Variants in AP4S1 observed in about 807,000 individuals in gnomAD.
AP4S1 encodes the protein AP-4 complex subunit sigma-1.
A neutral mutation model predicts 19.8 loss-of-function variants in AP4S1; 23 were observed. The ratio of observed to expected loss-of-function variants is 1.16; its 90% CI spans 0.84 to 1.65. AP4S1 has a LOEUF of 1.65. Among genes scored for constraint, AP4S1 ranks in the 40% most tolerant of loss-of-function variants. AP4S1 has a pLI of 0.00. For synonymous variants in AP4S1, 46 were observed against 54.1 expected, an observed-to-expected ratio of 0.85 and a Z score of 0.66; for missense variants, 166 against 172.8, an observed-to-expected ratio of 0.96 and a Z score of 0.22.
At chr14:31,077,672 A>T (rs1262743076) in intron 4 of AP4S1, among the ~76,000 whole-genome samples, 1 of 151,930 alleles carries the variant, frequency 6.6e-6, no homozygotes, top group Non-Finnish European at 1.5e-5. Context: ...GTACATGCTT[A>T]ATTTTGGTAA....
chr14:31,051,897 G>A (rs952102404), intron 1 of AP4S1, among the ~76,000 whole-genome samples: 4 of 152,142 alleles, frequency 2.6e-5, no homozygotes, highest in Non-Finnish European at 5.9e-5. Flanking sequence ...CTGAGCTCAA[G>A]TGATCCACCT....
Position 31,041,527 on chromosome 14 carries a change from A to C in AP4S1, c.-72+15740A>C, listed in dbSNP as rs776010724. 7.2e-5 allele frequency among the ~76,000 whole-genome samples: 11 copies of C among 152,316 alleles called. No individual in the cohort carries two copies. In the South Asian group the frequency reaches 8.3e-4, roughly 11 times the overall value. The stretch of plus-strand genomic sequence containing the variant: ...ATGGGAAGTAATCTGTAGTAATCCT[A>C]GTTCTCTGCAGTTTCTCCTTTGTAA... On this transcript the variant is annotated intron_variant, in intron 1 of 5. Coordinates refer to ENST00000542754, the MANE Select transcript of AP4S1 (RefSeq NM_001128126.3).
chr14:31,087,935 A>G (rs964992953), intron 5 of AP4S1, among the ~76,000 whole-genome samples: 1 of 152,222 alleles, frequency 6.6e-6, no homozygotes, highest in Non-Finnish European at 1.5e-5. Flanking sequence ...TTAAATGGAA[A>G]GCCTCGTTGC....
chr14:31,045,291 T>A (rs1885332979), intron 1 of AP4S1, among the ~76,000 whole-genome samples: 1 of 152,214 alleles, frequency 6.6e-6, no homozygotes, highest in Non-Finnish European at 1.5e-5. Context: ...CCGTTTGATA[T>A]GGTTAGGCTT....
At chr14:31,069,979 GC>G (rs749417210) in intron 3 of AP4S1, 50 bp downstream of exon 3, 3 of 1,440,376 alleles carry the variant, frequency 2.1e-6, no homozygotes, top group Middle Eastern at 3.5e-4. Flanking sequence ...CTTTCTACTT[GC>G]CTCCCTAAGA....
chr14:31,031,156 C>G (rs539762058), intron 1 of AP4S1, among the ~76,000 whole-genome samples: 4 of 152,288 alleles, frequency 2.6e-5, no homozygotes, highest in Non-Finnish European at 5.9e-5. Context: ...CTTGCTTCCC[C>G]TTCTGCCATG....
rs1419301103 is a variant in AP4S1 at position 31,040,327 on chromosome 14, A to AT, written c.-72+14546dup. On this transcript the variant is annotated intron_variant, in intron 1 of 5. Coordinates refer to ENST00000542754, the MANE Select transcript of AP4S1 (RefSeq NM_001128126.3). ...GTCACCATGCCTGGCTAATTTTTGT[A>AT]TTTTTTGTTGAGATGGGGTTTCGCC... is the stretch of plus-strand genomic sequence containing the variant. Among the ~76,000 whole-genome samples the AT allele has an allele frequency of 1.7e-4, 26 of 151,848 alleles. No homozygotes were observed. The East Asian group carries it at 5.0e-3, about 29-fold the overall frequency.
At chr14:31,057,133 G>C (rs1406900410) in intron 1 of AP4S1, among the ~76,000 whole-genome samples, 1 of 152,128 alleles carries the variant, frequency 6.6e-6, no homozygotes, top group African/African-American at 2.4e-5. Flanking sequence ...TGTAGAGTGA[G>C]GCAATGTGAT....
intron 1 of AP4S1, among the ~76,000 whole-genome samples, chr14:31,044,480 T>C (rs369073486): frequency 5.3e-5 from 8 of 152,098 alleles, no homozygotes; most frequent in Admixed American, 2.0e-4. Flanking sequence ...TAGCTGGAAC[T>C]ACAGGCACAT....
intron 5 of AP4S1, among the ~76,000 whole-genome samples, chr14:31,082,649 C>A (rs1887697128): frequency 6.6e-6 from 1 of 152,152 alleles, no homozygotes; most frequent in Admixed American, 6.5e-5. Context: ...GTAATCCCAG[C>A]ACTTTGGGAG....
intron 3 of AP4S1, among the ~76,000 whole-genome samples, chr14:31,071,221 A>G (rs1886980848): frequency 2.0e-5 from 3 of 152,130 alleles, no homozygotes; most frequent in Admixed American, 6.6e-5. Flanking sequence ...TCTAACTGAA[A>G]TATTGATTTG....
chr14:31,091,787 C>G (rs1417424559), intron 5 of AP4S1, among the ~76,000 whole-genome samples: 1 of 152,038 alleles, frequency 6.6e-6, no homozygotes, highest in African/African-American at 2.4e-5. Context: ...TTTTGAACTC[C>G]GCTAGTGCAT....
chr14:31,084,373 G>A lies in AP4S1; in HGVS notation c.306+3789G>A, dbSNP rs189674985. Reference sequence around the variant, plus strand: ...TAGACTTGGAAAAATACAGTACACCGTTTACATTTCTCCCTAGTATGGACT... The same window carrying A: ...TAGACTTGGAAAAATACAGTACACCATTTACATTTCTCCCTAGTATGGACT... On this transcript the variant is annotated intron_variant, in intron 5 of 5. Transcript: ENST00000542754. 8.5e-5 allele frequency among the ~76,000 whole-genome samples: 13 copies of A among 152,316 alleles called. 1 individual carries two copies. The highest frequency in any genetic ancestry group is 6.5e-4 in the Admixed American group (10 of 15,298).
At chr14:31,077,997 G>C (rs1887458181) in intron 4 of AP4S1, among the ~76,000 whole-genome samples, 1 of 152,154 alleles carries the variant, frequency 6.6e-6, no homozygotes, top group Non-Finnish European at 1.5e-5. Flanking sequence ...GCCTCCTAAA[G>C]TGCTGGGATT....
At chr14:31,038,886 T>G (rs1884928764) in intron 1 of AP4S1, among the ~76,000 whole-genome samples, 1 of 152,142 alleles carries the variant, frequency 6.6e-6, no homozygotes. Context: ...TTACCAAGAG[T>G]GAGTAATACT....
chr14:31,046,845 C>CAAAA (rs577536911), intron 1 of AP4S1, among the ~76,000 whole-genome samples: 1 of 61,062 alleles, frequency 1.6e-5, no homozygotes. Flanking sequence ...GACTCCGTCT[C>CAAAA]AAAAAAAAAA....
intron 4 of AP4S1, among the ~76,000 whole-genome samples, chr14:31,079,005 A>T (rs995434877): frequency 2.0e-5 from 3 of 152,292 alleles, no homozygotes; most frequent in African/African-American, 7.2e-5. Context: ...TTAAATTTGG[A>T]GATCAGTCTC....
chr14:31,089,380 A>AAGAAC (rs1888015369), intron 5 of AP4S1, among the ~76,000 whole-genome samples: 1 of 152,180 alleles, frequency 6.6e-6, no homozygotes, highest in Non-Finnish European at 1.5e-5. Context: ...TATTTTGTTA[A>AAGAAC]AGAACACTTA....
intron 1 of AP4S1, 32 bp from the exon 2 acceptor site, chr14:31,066,094 C>T: frequency 1.8e-6 from 2 of 1,082,466 alleles, no homozygotes; most frequent in Non-Finnish European, 1.4e-6. Flanking sequence ...TTTGATCTTG[C>T]CTTTCTGGTT....
Sources: gnomAD v4.1 joint callset for allele counts (sites outside exome capture counted in the v4.1 genomes callset) on GRCh38, gnomAD v4.1.1 for gene constraint, MANE v1.5 for transcripts, NCBI Gene and HGNC (gene_info 2026-07-23, HGNC 2026-07-21) for gene names.